ABLIM3: variants seen among roughly 807,000 people sequenced by gnomAD.
ABLIM3 encodes actin-binding LIM protein 3.
In ABLIM3, 61 loss-of-function variants were observed where a neutral mutation model predicts 109.5. The ratio of observed to expected loss-of-function variants is 0.56; its 90% confidence interval spans 0.45 to 0.69. The LOEUF (loss-of-function observed/expected upper bound fraction) is 0.69. ABLIM3 is among the 30% of genes least tolerant of loss of function. The pLI is 0.00. For missense variants in ABLIM3, 796 were observed against 889.5 expected, an observed-to-expected ratio of 0.89 and a Z score of 1.34; for synonymous variants, 300 against 324.8, an observed-to-expected ratio of 0.92 and a Z score of 0.82.
chr5:149,192,828 A>T (rs1757622434), intron 3 of ABLIM3, among the ~76,000 whole-genome samples: 1 of 145,222 alleles, frequency 6.9e-6, no homozygotes, highest in Non-Finnish European at 1.5e-5. Context: ...TCCTAAAAAG[A>T]AAAAAATAAT....
At chr5:149,245,139 A>G in intron 16 of ABLIM3, 124 bp downstream of exon 16, 3 of 1,305,528 alleles carry the variant, frequency 2.3e-6, no homozygotes, top group South Asian at 1.4e-5. Context: ...AGGGTTTATA[A>G]CTAAGGGTGT....
chr5:149,177,293 C>T (rs991217706), intron 2 of ABLIM3, among the ~76,000 whole-genome samples: 2 of 152,178 alleles, frequency 1.3e-5, no homozygotes, highest in Non-Finnish European at 2.9e-5. Flanking sequence ...TGTGGTGACA[C>T]CTGCATGGTC....
At chr5:149,224,609 C>A (rs1465093498) in intron 8 of ABLIM3, among the ~76,000 whole-genome samples, 2 of 152,228 alleles carry the variant, frequency 1.3e-5, no homozygotes, top group Non-Finnish European at 2.9e-5. Flanking sequence ...CAGCTCCCTG[C>A]TCCCCTCAAG....
chr5:149,201,351 C>A (rs923821246), intron 5 of ABLIM3, among the ~76,000 whole-genome samples: 5 of 152,134 alleles, frequency 3.3e-5, no homozygotes. Flanking sequence ...AATGAAAATT[C>A]CATTAGCCTC....
At chr5:149,210,423 G>A (rs1759425986) in intron 6 of ABLIM3, among the ~76,000 whole-genome samples, 1 of 152,234 alleles carries the variant, frequency 6.6e-6, no homozygotes, top group Non-Finnish European at 1.5e-5. Flanking sequence ...ACAAATGTTA[G>A]TGGCTATTAG....
At chr5:149,141,918 G>A (rs1480647694) in intron 1 of ABLIM3, 91 bp from the exon 2 acceptor site, 3 of 912,110 alleles carry the variant, frequency 3.3e-6, no homozygotes, top group African/African-American at 1.7e-5. Context: ...TCAAGGCCAG[G>A]GGCTACAGCC....
At chr5:149,253,870 C>T (rs1257532028) in intron 23 of ABLIM3, among the ~76,000 whole-genome samples, 1 of 152,146 alleles carries the variant, frequency 6.6e-6, no homozygotes, top group African/African-American at 2.4e-5. Context: ...TGAAGATATA[C>T]CTGAGACTGG....
rs1202247472 is a variant in ABLIM3 at position 149,259,691 on chromosome 5, C to A, written c.*1287C>A. The A allele has an allele frequency of 5.0e-6, 6 of 1,201,914 alleles. No individual in the cohort carries two copies. The African/African-American group carries it at 9.0e-5, about 18-fold the overall frequency. The allele number at this position is 1,201,914 out of a possible 1,614,324, so 74.5% of individuals were successfully genotyped here. A position where few individuals can be genotyped will look rare whatever the true frequency, so the allele number is the denominator to read the frequency against. Reference sequence around the variant, plus strand: ...GAGAAAGCTTAACCTCTCTTCTCCTCTCCAAACCTTTCACCTTGAATGGGT... The same window carrying A: ...GAGAAAGCTTAACCTCTCTTCTCCTATCCAAACCTTTCACCTTGAATGGGT... On this transcript the variant is annotated 3_prime_UTR_variant, in exon 24 of 24. Transcript: ENST00000309868.
chr5:149,212,328 GGGGGTGGGTTTCTGA>G (rs746076466), intron 7 of ABLIM3, among the ~76,000 whole-genome samples: 28 of 152,152 alleles, frequency 1.8e-4, no homozygotes, highest in Non-Finnish European at 2.9e-4. Flanking sequence ...AAGGGTTGTT[GGGGGTGGGTTTCTGA>G]GGGCCTGGGA....
chr5:149,195,927 CG>C (rs1425065378), intron 3 of ABLIM3, among the ~76,000 whole-genome samples: 1 of 152,166 alleles, frequency 6.6e-6, no homozygotes, highest in Non-Finnish European at 1.5e-5. Context: ...AATGTTTAGG[CG>C]TATAGTAAGC....
intron 6 of ABLIM3, among the ~76,000 whole-genome samples, chr5:149,207,489 A>G (rs1396837172): frequency 1.3e-5 from 2 of 152,072 alleles, no homozygotes; most frequent in African/African-American, 4.8e-5. Flanking sequence ...TGGTAATTAC[A>G]TATTTATCCC....
intron 9 of ABLIM3, 68 bp downstream of exon 9, chr5:149,230,775 C>A: frequency 6.4e-7 from 1 of 1,570,848 alleles, no homozygotes; most frequent in Non-Finnish European, 8.8e-7. Context: ...GCTAAGGGAG[C>A]TGTGCTTTGG....
intron 18 of ABLIM3, among the ~76,000 whole-genome samples, chr5:149,248,621 C>T (rs776189135): frequency 6.5e-5 from 9 of 139,372 alleles, no homozygotes; most frequent in African/African-American, 8.2e-5. Flanking sequence ...AGGCAGGAGG[C>T]GGAGCTTGCA....
At chr5:149,152,716 G>A (rs1356886181) in intron 2 of ABLIM3, among the ~76,000 whole-genome samples, 14 of 152,092 alleles carry the variant, frequency 9.2e-5, no homozygotes, top group Admixed American at 8.5e-4. Flanking sequence ...TCTGACATAC[G>A]GGACATGCCT....
At chr5:149,228,347 T>G (rs941767356) in intron 8 of ABLIM3, among the ~76,000 whole-genome samples, 1 of 152,192 alleles carries the variant, frequency 6.6e-6, no homozygotes, top group Non-Finnish European at 1.5e-5. Context: ...AGAATTGCAT[T>G]TGAGTCCCCT....
At chr5:149,157,131 T>G (rs1016105919) in intron 2 of ABLIM3, among the ~76,000 whole-genome samples, 4 of 152,216 alleles carry the variant, frequency 2.6e-5, no homozygotes, top group Admixed American at 2.6e-4. Context: ...GCCTTCATAG[T>G]CAGCACACCT....
At chr5:149,228,314 C>T (rs908902226) in intron 8 of ABLIM3, among the ~76,000 whole-genome samples, 1 of 152,168 alleles carries the variant, frequency 6.6e-6, no homozygotes, top group Non-Finnish European at 1.5e-5. Flanking sequence ...TAAGTCTCTT[C>T]TTCAGGGTAA....
At chr5:149,164,459 G>A (rs963976912) in intron 2 of ABLIM3, among the ~76,000 whole-genome samples, 2 of 152,190 alleles carry the variant, frequency 1.3e-5, no homozygotes, top group African/African-American at 4.8e-5. Flanking sequence ...GGTAAACTAT[G>A]CTGTAGGTCA....
At chr5:149,183,697 A>G in intron 3 of ABLIM3, 108 bp downstream of exon 3, 1 of 1,280,412 alleles carries the variant, frequency 7.8e-7, no homozygotes. Flanking sequence ...TGGAATATCT[A>G]TAAAGACCTA....
Sources: gnomAD v4.1 joint callset for allele counts (sites outside exome capture counted in the v4.1 genomes callset) on GRCh38, gnomAD v4.1.1 for gene constraint, MANE v1.5 for transcripts, NCBI Gene and HGNC (gene_info 2026-07-23, HGNC 2026-07-21) for gene names.